TMEM170A: variants seen among roughly 807,000 people sequenced by gnomAD.
TMEM170A encodes the protein transmembrane protein 170.
Under a neutral mutation model 12.8 loss-of-function variants are expected in TMEM170A, and 18 were observed. The ratio of observed to expected loss-of-function variants is 1.41; its 90% CI spans 0.97 to 2.09. The LOEUF is 2.09. Among genes scored for constraint, TMEM170A ranks in the 30% most tolerant of loss-of-function variants. TMEM170A has a pLI of 0.00. For synonymous variants in TMEM170A, 107 were observed against 76.2 expected, an observed-to-expected ratio of 1.40 and a Z score of -2.11; for missense variants, 220 against 179.9, an observed-to-expected ratio of 1.22 and a Z score of -1.28.
Position 75,450,035 on chromosome 16 carries a change from G to C in TMEM170A, c.304+1634C>G, listed in dbSNP as rs150630406. ...ATACACATTAGCTCAATCATGCAAG[G>C]GTATGAGGTTGGGTAGTATTACCCC... On this transcript the variant is annotated intron_variant, in intron 2 of 2. Transcript: ENST00000561878. Among the ~76,000 whole-genome samples, 264 of 152,164 alleles carry C rather than the reference G, an allele frequency of 1.7e-3. 6 individuals are homozygous for C. In the South Asian group the frequency reaches 0.022, roughly 13 times the overall value.
intron 1 of TMEM170A, among the ~76,000 whole-genome samples, chr16:75,455,041 A>C (rs1000369283): frequency 5.9e-5 from 9 of 152,228 alleles, no homozygotes; most frequent in Admixed American, 1.3e-4. Flanking sequence ...CACCCACGTA[A>C]TACTACAAAG....
intron 1 of TMEM170A, chr16:75,464,134 C>T (rs1243603562): frequency 2.3e-5 from 30 of 1,304,270 alleles, no homozygotes; most frequent in Non-Finnish European, 3.0e-5. Flanking sequence ...CACAGCCTCC[C>T]GGGCTCGTGG....
chr16:75,463,678 G>A (rs1006795700), intron 1 of TMEM170A, among the ~76,000 whole-genome samples: 9 of 152,176 alleles, frequency 5.9e-5, no homozygotes, highest in African/African-American at 2.2e-4. Flanking sequence ...GCCTTTCAAG[G>A]ACCACACAAA....
At chr16:75,452,405 C>T (rs1369013130) in intron 1 of TMEM170A, among the ~76,000 whole-genome samples, 1 of 152,180 alleles carries the variant, frequency 6.6e-6, no homozygotes, top group Non-Finnish European at 1.5e-5. Flanking sequence ...GTGGCTGGAA[C>T]TACAGATGTG....
rs1051846247 is a variant in TMEM170A at position 75,443,752 on chromosome 16, C to T, written c.*3806G>A. On this transcript the variant is annotated 3_prime_UTR_variant, in exon 3 of 3. Transcript: ENST00000561878. Reference sequence around the variant, plus strand: ...TATTCATGATGCTCTTGTGTATGAACTTAAGTTTTCATGAAATGCTTTCAC... The same window carrying T: ...TATTCATGATGCTCTTGTGTATGAATTTAAGTTTTCATGAAATGCTTTCAC... 2.6e-5 allele frequency: 4 copies of T among 152,104 alleles called. No individual in the cohort carries two copies. The highest frequency in any genetic ancestry group is 9.7e-5 in the African/African-American group (4 of 41,400). The allele number at this position is 152,104 out of a possible 1,614,324, so 9.4% of individuals were successfully genotyped here. A position where few individuals can be genotyped will look rare whatever the true frequency, so the allele number is the denominator to read the frequency against.
At chr16:75,455,432 A>C (rs947963503) in intron 1 of TMEM170A, among the ~76,000 whole-genome samples, 3 of 152,126 alleles carry the variant, frequency 2.0e-5, no homozygotes, top group African/African-American at 7.2e-5. Flanking sequence ...GTGAAGTAAC[A>C]AAAGCCAGTT....
At chr16:75,454,956 G>C (rs991416368) in intron 1 of TMEM170A, among the ~76,000 whole-genome samples, 1 of 152,196 alleles carries the variant, frequency 6.6e-6, no homozygotes, top group Non-Finnish European at 1.5e-5. Context: ...GGTCCCAACA[G>C]CATTGTCCAT....
chr16:75,462,066 C>A (rs562719970), intron 1 of TMEM170A, among the ~76,000 whole-genome samples: 1 of 152,258 alleles, frequency 6.6e-6, no homozygotes, highest in Admixed American at 6.5e-5. Context: ...GGAACCCTTA[C>A]AGTAGAGAGT....
At position 75,462,657 on chromosome 16, in the gene TMEM170A, G is replaced by A. The variant is rs563238620; in HGVS notation, c.133+1811C>T. Among the ~76,000 whole-genome samples the A allele has an allele frequency of 2.6e-5, 4 of 152,256 alleles. No homozygotes were observed. The East Asian group carries it at 7.7e-4, about 29-fold the overall frequency. On this transcript the variant is annotated intron_variant, in intron 1 of 2. Coordinates refer to ENST00000561878, the MANE Select transcript of TMEM170A (RefSeq NM_145254.3). ...AAACAGTCTATACAACAATTCACAT[G>A]GACTCTTCCAAAATGTCCATCTTAA...
intron 1 of TMEM170A, among the ~76,000 whole-genome samples, chr16:75,452,125 C>G (rs1447993716): frequency 3.3e-5 from 5 of 152,152 alleles, no homozygotes; most frequent in African/African-American, 1.2e-4. Flanking sequence ...GCACCCGCCA[C>G]CGCGCCTGGC....
chr16:75,459,719 T>C (rs1025740675), intron 1 of TMEM170A, among the ~76,000 whole-genome samples: 1 of 152,008 alleles, frequency 6.6e-6, no homozygotes, highest in Non-Finnish European at 1.5e-5. Context: ...TAGCCGGGTT[T>C]GGTGGTGTCT....
chr16:75,448,677 C>T (rs4887827), intron 2 of TMEM170A, among the ~76,000 whole-genome samples: 110,908 of 151,598 alleles, frequency 0.73, 40,995 homozygotes, highest in Non-Finnish European at 0.79. Flanking sequence ...GGCAGGAGAG[C>T]TGCTTGAACC....
At chr16:75,455,290 G>A (rs111471085) in intron 1 of TMEM170A, among the ~76,000 whole-genome samples, 7 of 146,254 alleles carry the variant, frequency 4.8e-5, no homozygotes, top group East Asian at 2.0e-4. Flanking sequence ...TCGGGAGGCG[G>A]AGCTTGCAGT....
At chr16:75,458,852 T>C (rs1378953511) in intron 1 of TMEM170A, 1 of 152,140 alleles carries the variant, frequency 6.6e-6, no homozygotes, top group East Asian at 1.9e-4. Context: ...CCCTAAAAGA[T>C]ATTTGAGGAT....
chr16:75,447,499 G>A lies in TMEM170A; in HGVS notation c.*59C>T. On this transcript the variant is annotated 3_prime_UTR_variant, in exon 3 of 3. Coordinates refer to ENST00000561878, the MANE Select transcript of TMEM170A (RefSeq NM_145254.3). ...CTAAGAAAACACTACACTCCATAAT[G>A]TATTCTTTTGGAGGATTCCATAAAG... 1 of 1,549,056 alleles carries A rather than the reference G, an allele frequency of 6.5e-7. No homozygotes were observed. Among genetic ancestry groups the A allele is most frequent in the Admixed American group, 2.1e-5 (1 of 48,358 alleles).
chr16:75,462,541 T>C (rs2080316109), intron 1 of TMEM170A, among the ~76,000 whole-genome samples: 1 of 152,234 alleles, frequency 6.6e-6, no homozygotes. Flanking sequence ...GATGTACTGG[T>C]GAGTGGACGT....
Position 75,464,518 on chromosome 16 carries a change from A to C in TMEM170A, c.83T>G (p.Val28Gly). ...QILSLKVVPR[V>G]GNGTLCPNST... ...GTTGGGGCACAGGGTCCCGTTGCCCACCCGCGGCACAACCTTCAGGCTCAG... is the reference window on the plus strand; with the variant it reads ...GTTGGGGCACAGGGTCCCGTTGCCCCCCCGCGGCACAACCTTCAGGCTCAG... The change falls in exon 1 of 3, where the codon GTG (valine) becomes GGG (glycine). Residue 28 changes from valine (V) to glycine (G), a missense_variant. Transcript: ENST00000561878. 1 of 1,585,696 alleles carries C rather than the reference A, an allele frequency of 6.3e-7. No individual in the cohort carries two copies. The highest frequency in any genetic ancestry group is 8.6e-7 in the Non-Finnish European group (1 of 1,168,694).
intron 1 of TMEM170A, among the ~76,000 whole-genome samples, chr16:75,463,611 G>T (rs1318898204): frequency 6.6e-6 from 1 of 152,218 alleles, no homozygotes; most frequent in African/African-American, 2.4e-5. Flanking sequence ...GAAGACCTCA[G>T]TCCCCTCTGC....
chr16:75,448,552 C>T (rs1030704744), intron 2 of TMEM170A, among the ~76,000 whole-genome samples: 2 of 152,152 alleles, frequency 1.3e-5, no homozygotes, highest in African/African-American at 4.8e-5. Context: ...CATCTGAGCT[C>T]AGGAGTTTGA....
Sources: gnomAD v4.1 joint callset for allele counts (sites outside exome capture counted in the v4.1 genomes callset) on GRCh38, gnomAD v4.1.1 for gene constraint, MANE v1.5 for transcripts, NCBI Gene and HGNC (gene_info 2026-07-23, HGNC 2026-07-21) for gene names.